The following CPS1 variants were observed in gnomAD, a reference collection of about 807,000 sequenced individuals.
CPS1 encodes the protein carbamoyl-phosphate synthase [ammonia], mitochondrial.
In CPS1, 109 loss-of-function variants were observed where a neutral mutation model predicts 174.6. The ratio of observed to expected loss-of-function variants is 0.62; its 90% confidence interval spans 0.53 to 0.73. CPS1 has a LOEUF of 0.73. Among genes scored for constraint, CPS1 ranks in the 30% least tolerant of loss-of-function variants. The probability of loss-of-function intolerance (pLI) is 0.00; values close to 1 mark genes in which losing one functional copy is unlikely to be tolerated. For synonymous variants in CPS1, 637 were observed against 632.0 expected (o/e 1.01, Z -0.12); for missense variants, 1,689 against 1,821.9 (o/e 0.93, Z 1.33).
At chr2:210,584,225 T>C (rs1400751852) in intron 6 of CPS1, among the ~76,000 whole-genome samples, 1 of 152,100 alleles carries the variant, frequency 6.6e-6, no homozygotes, top group East Asian at 1.9e-4. Flanking sequence ...GCTTTACATG[T>C]GGAGAATTTA....
chr2:210,593,395 G>A (rs1698376053), intron 11 of CPS1: 1 of 1,073,542 alleles, frequency 9.3e-7, no homozygotes, highest in South Asian at 2.9e-5. Flanking sequence ...AGAAGGAGGG[G>A]AAGGGTGTTG....
chr2:210,654,729 A>T, intron 29 of CPS1, among the ~76,000 whole-genome samples: 1 of 152,314 alleles, frequency 6.6e-6, no homozygotes, highest in East Asian at 1.9e-4. Flanking sequence ...TGTTGTAGGG[A>T]GTCTATGCCA....
chr2:210,639,039 C>G, intron 22 of CPS1, 111 bp from the exon 23 acceptor site: 1 of 797,254 alleles, frequency 1.3e-6, no homozygotes, highest in Non-Finnish European at 2.1e-6. Context: ...TGTTTGCATA[C>G]TTTACAGTAA....
chr2:210,655,388 A>G (rs533863326), intron 29 of CPS1, among the ~76,000 whole-genome samples: 48 of 152,292 alleles, frequency 3.2e-4, no homozygotes, highest in Middle Eastern at 3.4e-3. Context: ...TCAGATATCA[A>G]CTATTGCACA....
At chr2:210,516,094 A>G (rs751531846) in intron 1 of CPS1, among the ~76,000 whole-genome samples, 1 of 151,786 alleles carries the variant, frequency 6.6e-6, no homozygotes, top group East Asian at 1.9e-4. Flanking sequence ...ATTTATTGAA[A>G]TTCAATAAAT....
Position 210,588,128 on chromosome 2 carries a change from T to C in CPS1, c.692T>C (p.Val231Ala), listed in dbSNP as rs1308610893. 6.2e-7 allele frequency: 1 copy of C among 1,612,818 alleles called. No homozygotes were observed. ...GTAGACTGTGGGATTAAAAACAATGTAATCCGCCTGCTAGTAAAGGTAAGT... is the reference window on the plus strand; with the variant it reads ...GTAGACTGTGGGATTAAAAACAATGCAATCCGCCTGCTAGTAAAGGTAAGT... ...VAVDCGIKNNVIRLLVKRGAE... is the reference protein window; with the variant it reads ...VAVDCGIKNNAIRLLVKRGAE... Residue 231 changes from valine (V) to alanine (A), a missense_variant, in exon 7 of 38, where the codon GTA becomes GCA. Coordinates refer to ENST00000233072, the MANE Select transcript of CPS1 (RefSeq NM_001875.5).
At chr2:210,640,241 T>G (rs1022228464) in intron 24 of CPS1, among the ~76,000 whole-genome samples, 182 bp downstream of exon 24, 1 of 152,038 alleles carries the variant, frequency 6.6e-6, no homozygotes, top group Non-Finnish European at 1.5e-5. Flanking sequence ...AGTGGTAGAG[T>G]GGGACTCAAA....
chr2:210,623,460 A>G (rs1699600870), intron 21 of CPS1, among the ~76,000 whole-genome samples: 1 of 151,970 alleles, frequency 6.6e-6, no homozygotes, highest in Admixed American at 6.6e-5. Context: ...AATAACTTTA[A>G]TATTCTCTTT....
chr2:210,574,466 A>G (rs751481259), intron 2 of CPS1, among the ~76,000 whole-genome samples: 7 of 152,100 alleles, frequency 4.6e-5, no homozygotes, highest in South Asian at 4.1e-4. Flanking sequence ...TGTGAAATGA[A>G]GAATATTAGA....
At chr2:210,614,995 G>T (rs569997248) in intron 20 of CPS1, among the ~76,000 whole-genome samples, 1 of 151,842 alleles carries the variant, frequency 6.6e-6, no homozygotes, top group East Asian at 2.0e-4. Context: ...TAACAAACCT[G>T]CACGTCCTGC....
chr2:210,521,619 A>T (rs112092198), intron 1 of CPS1, among the ~76,000 whole-genome samples: 1 of 152,010 alleles, frequency 6.6e-6, no homozygotes, highest in South Asian at 2.1e-4. Flanking sequence ...AGTTAATCCC[A>T]TCCAGCAGAT....
At chr2:210,510,036 C>T (rs1297657532) in intron 1 of CPS1, among the ~76,000 whole-genome samples, 1 of 152,050 alleles carries the variant, frequency 6.6e-6, no homozygotes, top group Non-Finnish European at 1.5e-5. Flanking sequence ...CTTTAAAGTT[C>T]ATATGGAACC....
intron 34 of CPS1, among the ~76,000 whole-genome samples, chr2:210,670,892 A>T (rs941893484): frequency 6.6e-6 from 1 of 152,208 alleles, no homozygotes; most frequent in African/African-American, 2.4e-5. Flanking sequence ...AGGACTTAGG[A>T]TAAAAGAATC....
At chr2:210,510,765 A>C (rs1330914625) in intron 1 of CPS1, among the ~76,000 whole-genome samples, 2 of 151,350 alleles carry the variant, frequency 1.3e-5, no homozygotes, top group East Asian at 3.9e-4. Flanking sequence ...ATGCAGCCAA[A>C]AGACACATGA....
intron 1 of CPS1, among the ~76,000 whole-genome samples, chr2:210,559,057 A>T (rs1057054071): frequency 6.6e-6 from 1 of 152,102 alleles, no homozygotes; most frequent in Non-Finnish European, 1.5e-5. Context: ...GTTATTGTGA[A>T]ATAGTCCTCT....
chr2:210,533,171 G>A (rs572615547), intron 1 of CPS1, among the ~76,000 whole-genome samples: 1 of 152,206 alleles, frequency 6.6e-6, no homozygotes, highest in Non-Finnish European at 1.5e-5. Flanking sequence ...TACTTCCTAT[G>A]GATGAGTCGT....
At chr2:210,561,188 A>G (rs980357596) in intron 1 of CPS1, among the ~76,000 whole-genome samples, 2 of 152,148 alleles carry the variant, frequency 1.3e-5, no homozygotes, top group East Asian at 3.9e-4. Flanking sequence ...TATAGTTTAA[A>G]TGTCCTAGAC....
intron 1 of CPS1, among the ~76,000 whole-genome samples, chr2:210,504,792 AC>A (rs1217836912): frequency 6.6e-6 from 1 of 152,204 alleles, no homozygotes; most frequent in Non-Finnish European, 1.5e-5. Flanking sequence ...ATTGTGGCAT[AC>A]CCACTTCTTA....
chr2:210,612,352 G>A, intron 20 of CPS1, 59 bp downstream of exon 20: 2 of 1,585,596 alleles, frequency 1.3e-6, no homozygotes, highest in African/African-American at 1.3e-5. Flanking sequence ...TAGTCAGTCT[G>A]GACATTAAAA....
Sources: gnomAD v4.1 joint callset for allele counts (sites outside exome capture counted in the v4.1 genomes callset) on GRCh38, gnomAD v4.1.1 for gene constraint, MANE v1.5 for transcripts, NCBI Gene and HGNC (gene_info 2026-07-23, HGNC 2026-07-21) for gene names.